GALNT6: variants seen among roughly 807,000 people sequenced by gnomAD.
GALNT6 encodes the protein GalNAc transferase 6.
A neutral mutation model predicts 65.9 loss-of-function variants in GALNT6; 51 were observed. That is an observed-to-expected ratio of 0.77 (90% CI 0.62 to 0.98). The LOEUF (loss-of-function observed/expected upper bound fraction) is 0.98, where lower values mean the gene tolerates loss of function less well. GALNT6 is among the 50% of genes least tolerant of loss of function. GALNT6 has a pLI of 0.00. For missense variants in GALNT6, 708 were observed against 803.3 expected, an observed-to-expected ratio of 0.88 and a Z score of 1.43; for synonymous variants, 323 against 315.1, an observed-to-expected ratio of 1.02 and a Z score of -0.26.
intron 4 of GALNT6, among the ~76,000 whole-genome samples, chr12:51,374,020 CAGCTA>C (rs919363128): frequency 5.3e-5 from 8 of 151,010 alleles, no homozygotes; most frequent in African/African-American, 9.8e-5. Context: ...CCACCGTGCC[CAGCTA>C]ACTTTTCTAT....
At position 51,379,317 on chromosome 12, in the gene GALNT6, G is replaced by A. The variant is rs144785763; in HGVS notation, c.465C>T (p.Ser155=). The A allele has an allele frequency of 1.3e-6, 2 of 1,524,006 alleles. No homozygotes were observed. Among genetic ancestry groups the A allele is most frequent in the South Asian group, 1.3e-5 (1 of 74,820 alleles). 94.4% of individuals were successfully genotyped at this position (1,524,006 alleles called of 1,614,324 possible). ...FASDRISLQR[S]LGPDTRPPEC... ...CAGGTGGTCGGGTGTCTGGCCCCAG[G>A]GACCTCTGCAGGGAGATCCGGTCGC... is the stretch of plus-strand genomic sequence containing the variant. Residue 155 remains serine, a synonymous_variant, in exon 3 of 12, where the codon TCC becomes TCT. Coordinates refer to ENST00000356317, the MANE Select transcript of GALNT6 (RefSeq NM_007210.4).
chr12:51,386,259 G>A lies in GALNT6; in HGVS notation c.-104+4591C>T, dbSNP rs1490009801. Among the ~76,000 whole-genome samples the A allele has an allele frequency of 7.2e-5, 11 of 152,162 alleles. No homozygotes were observed. In the South Asian group the frequency reaches 2.3e-3, roughly 32 times the overall value. On this transcript the variant is annotated intron_variant, in intron 2 of 11. Coordinates refer to ENST00000356317, the MANE Select transcript of GALNT6 (RefSeq NM_007210.4). ...CTAGTGGCTCCCAGGAGTAGAACCCGATCTCTCAACTCCTAGACCACTACT... is the reference window on the plus strand; with the variant it reads ...CTAGTGGCTCCCAGGAGTAGAACCCAATCTCTCAACTCCTAGACCACTACT...
At chr12:51,366,721 G>A (rs934394427) in intron 4 of GALNT6, among the ~76,000 whole-genome samples, 2 of 152,152 alleles carry the variant, frequency 1.3e-5, no homozygotes, top group African/African-American at 2.4e-5. Context: ...TTTGAGGAGC[G>A]GGGAAAGCTT....
chr12:51,365,598 T>C lies in GALNT6; in HGVS notation c.665-19A>G, dbSNP rs749986989. 10 of 1,610,998 alleles carry C rather than the reference T, an allele frequency of 6.2e-6. No individual in the cohort carries two copies. The highest frequency in any genetic ancestry group is 2.2e-5 in the South Asian group (2 of 90,938). On this transcript the variant is annotated intron_variant, in intron 4 of 11. Coordinates refer to ENST00000356317, the MANE Select transcript of GALNT6 (RefSeq NM_007210.4). Reference sequence around the variant, plus strand: ...AGGTGCTCTGGAAGGGACAGTGTCATTGTGGCCAGTCCACCACTTTGCTGT... The same window carrying C: ...AGGTGCTCTGGAAGGGACAGTGTCACTGTGGCCAGTCCACCACTTTGCTGT...
intron 5 of GALNT6, 146 bp downstream of exon 5, chr12:51,365,284 G>T: frequency 1.5e-6 from 1 of 661,298 alleles, no homozygotes; most frequent in South Asian, 2.3e-5. Flanking sequence ...GGTGAGAAAG[G>T]GGTAGAGGCA....
intron 4 of GALNT6, among the ~76,000 whole-genome samples, chr12:51,369,964 C>T (rs1174855035): frequency 6.6e-6 from 1 of 152,158 alleles, no homozygotes; most frequent in Non-Finnish European, 1.5e-5. Flanking sequence ...GTCACTACAG[C>T]GGCTTCAAAT....
intron 10 of GALNT6, 26 bp downstream of exon 10, chr12:51,357,323 G>C: frequency 7.0e-7 from 1 of 1,427,514 alleles, no homozygotes; most frequent in South Asian, 1.1e-5. Context: ...GAGAGGAGAT[G>C]CTCCGGAGAT....
intron 4 of GALNT6, among the ~76,000 whole-genome samples, chr12:51,365,869 G>C (rs1241821590): frequency 6.6e-6 from 1 of 152,164 alleles, no homozygotes; most frequent in East Asian, 1.9e-4. Flanking sequence ...TCTAATGTCA[G>C]GGACAGCACC....
intron 2 of GALNT6, among the ~76,000 whole-genome samples, chr12:51,381,045 T>C (rs1369919434): frequency 6.6e-6 from 1 of 152,012 alleles, no homozygotes; most frequent in East Asian, 1.9e-4. Context: ...TCAAGACCAG[T>C]CTGCTCAACG....
chr12:51,356,627 G>A lies in GALNT6; in HGVS notation c.1603-669C>T, dbSNP rs556087374. On this transcript the variant is annotated intron_variant, in intron 10 of 11. Transcript: ENST00000356317. ...GATCCACCTGCCTCACCCTCCCAAA[G>A]TGCTGGGATTACAGGTGTGGGCTAC... is the stretch of plus-strand genomic sequence containing the variant. Among the ~76,000 whole-genome samples, 3 of 152,166 alleles carry A rather than the reference G, an allele frequency of 2.0e-5. No homozygotes were observed. In the South Asian group the frequency reaches 6.2e-4, roughly 32 times the overall value.
At position 51,354,215 on chromosome 12, in the gene GALNT6, G is replaced by A; in HGVS notation, c.*164C>T. On this transcript the variant is annotated 3_prime_UTR_variant, in exon 12 of 12. Transcript: ENST00000356317. ...CATCGGTGTGAAGGAAAGAAAATGG[G>A]CCCAATGTTGTTGCAAGGATTAGGA... 3.7e-6 allele frequency: 2 copies of A among 535,216 alleles called. No homozygotes were observed. The highest frequency in any genetic ancestry group is 6.5e-6 in the Non-Finnish European group (2 of 305,860). The allele number at this position is 535,216 out of a possible 1,614,324, so 33.2% of individuals were successfully genotyped here.
intron 4 of GALNT6, among the ~76,000 whole-genome samples, chr12:51,370,094 A>G (rs1947241510): frequency 6.6e-6 from 1 of 152,244 alleles, no homozygotes; most frequent in South Asian, 2.1e-4. Flanking sequence ...TATACCCTGA[A>G]GAGCTGAAAG....
At chr12:51,362,541 A>T (rs112229407) in intron 6 of GALNT6, among the ~76,000 whole-genome samples, 388 of 148,062 alleles carry the variant, frequency 2.6e-3, no homozygotes, top group Non-Finnish European at 2.7e-3. Context: ...TTCCAGTTGT[A>T]TGGCCCTTGG....
At chr12:51,356,884 A>G (rs773079532) in intron 10 of GALNT6, among the ~76,000 whole-genome samples, 1 of 152,142 alleles carries the variant, frequency 6.6e-6, no homozygotes, top group Non-Finnish European at 1.5e-5. Flanking sequence ...GGGCTTGTTC[A>G]GTGACCCACA....
intron 6 of GALNT6, among the ~76,000 whole-genome samples, chr12:51,361,435 GTA>G (rs1377760117): frequency 6.6e-6 from 1 of 152,210 alleles, no homozygotes; most frequent in Non-Finnish European, 1.5e-5. Flanking sequence ...ATGAGAAACT[GTA>G]GATTTGGGGA....
In GALNT6 at chr12:51,358,190, G is replaced by A; in HGVS notation, c.1440C>T (p.Tyr480=). 6.2e-7 allele frequency: 1 copy of A among 1,613,970 alleles called. No individual in the cohort carries two copies. The highest frequency in any genetic ancestry group is 2.2e-5 in the East Asian group (1 of 44,882). The change falls in exon 9 of 12, where the codon TAC becomes TAT. Residue 480 remains tyrosine, a synonymous_variant. Transcript: ENST00000356317. Reference sequence around the variant, plus strand: ...ACATCTCTGGGTAGACATTGTGCAGGTACCAGGAAAAGTTGTGACAGTGCA... The same window carrying A: ...ACATCTCTGGGTAGACATTGTGCAGATACCAGGAAAAGTTGTGACAGTGCA... ...EQLHCHNFSW[Y]LHNVYPEMFV...
chr12:51,363,224 A>C (rs1592321553), intron 6 of GALNT6, among the ~76,000 whole-genome samples: 1 of 152,166 alleles, frequency 6.6e-6, no homozygotes, highest in East Asian at 1.9e-4. Flanking sequence ...TCACTCCTCA[A>C]CTTGGTTTGT....
At position 51,359,153 on chromosome 12, in the gene GALNT6, C is replaced by T; in HGVS notation, c.1347G>A (p.Gln449=). 1 of 1,614,126 alleles carries T rather than the reference C, an allele frequency of 6.2e-7. No individual in the cohort carries two copies. Among genetic ancestry groups the T allele is most frequent in the Non-Finnish European group, 8.5e-7 (1 of 1,179,942 alleles). ...YKKIFYRRNL[Q]AAKMAQEKSF... is the part of the protein sequence containing the mutation. The stretch of plus-strand genomic sequence containing the variant: ...TCACCTCTTGGGCCATCTTTGCTGC[C>T]TGCAGATTTCTCCTATAGAAAATCT... The change falls in exon 8 of 12, where the codon CAG becomes CAA. Residue 449 remains glutamine, a synonymous_variant. Transcript: ENST00000356317.
intron 2 of GALNT6, among the ~76,000 whole-genome samples, chr12:51,388,263 T>A (rs1947901176): frequency 1.3e-5 from 2 of 152,246 alleles, no homozygotes; most frequent in Admixed American, 6.5e-5. Flanking sequence ...CAGCAGGAGC[T>A]GCCTGCCAGC....
Sources: gnomAD v4.1 joint callset for allele counts (sites outside exome capture counted in the v4.1 genomes callset) on GRCh38, gnomAD v4.1.1 for gene constraint, MANE v1.5 for transcripts, NCBI Gene and HGNC (gene_info 2026-07-23, HGNC 2026-07-21) for gene names.